The following SYNGR1 variants were observed in gnomAD, a reference collection of about 807,000 sequenced individuals.
SYNGR1 encodes synaptogyrin-1.
In SYNGR1, 14 loss-of-function variants were observed where a neutral mutation model predicts 26.1. The ratio of observed to expected loss-of-function variants is 0.54; its 90% confidence interval spans 0.35 to 0.84. The LOEUF (loss-of-function observed/expected upper bound fraction) is 0.84, where lower values mean the gene tolerates loss of function less well. Ranked by LOEUF, SYNGR1 falls within the 40% of genes least tolerant of loss-of-function variation. The pLI, the probability that SYNGR1 is intolerant of heterozygous loss-of-function variation, is 0.01. For missense variants in SYNGR1, 319 were observed against 332.9 expected, an observed-to-expected ratio of 0.96 and a Z score of 0.33; for synonymous variants, 141 against 150.1, an observed-to-expected ratio of 0.94 and a Z score of 0.44.
chr22:39,364,937 G>A (rs564178926), intron 1 of SYNGR1, among the ~76,000 whole-genome samples: 3 of 152,124 alleles, frequency 2.0e-5, no homozygotes, highest in Non-Finnish European at 4.4e-5. Flanking sequence ...AAAAAGACTC[G>A]GGATTGGATT....
At chr22:39,378,815 C>T (rs1858752) in intron 3 of SYNGR1, among the ~76,000 whole-genome samples, 9,000 of 152,256 alleles carry the variant, frequency 0.059, 910 homozygotes, top group African/African-American at 0.21. Context: ...CCCAGGCCAG[C>T]GGGGGCCCAG....
chr22:39,376,998 T>G, intron 3 of SYNGR1: 1 of 1,550,836 alleles, frequency 6.4e-7, no homozygotes, highest in Non-Finnish European at 8.7e-7. Flanking sequence ...TCTTCTCTCC[T>G]AATCACCCTT....
chr22:39,357,197 C>T (rs1248108358), intron 1 of SYNGR1, among the ~76,000 whole-genome samples: 7 of 151,776 alleles, frequency 4.6e-5, no homozygotes. Context: ...ACCCAGGAGG[C>T]GGAGGTTGCA....
At chr22:39,358,806 G>C (rs1924313343) in intron 1 of SYNGR1, among the ~76,000 whole-genome samples, 1 of 152,140 alleles carries the variant, frequency 6.6e-6, no homozygotes, top group South Asian at 2.1e-4. Flanking sequence ...CAGAGCAGAC[G>C]GCATCAGCTG....
At chr22:39,375,461 G>T in intron 2 of SYNGR1, 1 of 182,618 alleles carries the variant, frequency 5.5e-6, no homozygotes, top group Non-Finnish European at 1.2e-5. Flanking sequence ...CACTGCTGAC[G>T]CCCCCAGGCT....
At chr22:39,380,616 CTTTTTTTTTTT>C (rs58877789) in intron 3 of SYNGR1, among the ~76,000 whole-genome samples, 1 of 69,976 alleles carries the variant, frequency 1.4e-5, no homozygotes, top group South Asian at 4.5e-4. Context: ...CCAAGCTGGC[CTTTTTTTTTTT>C]TTTTTTTTTT....
chr22:39,374,246 C>A, intron 1 of SYNGR1, 70 bp from the exon 2 acceptor site: 1 of 1,486,540 alleles, frequency 6.7e-7, no homozygotes, highest in Non-Finnish European at 9.4e-7. Context: ...AGGGTGGCAG[C>A]CTCCCCGTCC....
At position 39,350,641 on chromosome 22, in the gene SYNGR1, C is replaced by T. The variant is rs1025960011; in HGVS notation, c.99+532C>T. The stretch of plus-strand genomic sequence containing the variant: ...GGAGCGATGAGTCGGGAACTGAGTA[C>T]CTCTCTTCCACCCGGGAACTGCCTC... On this transcript the variant is annotated intron_variant, in intron 1 of 3. Coordinates refer to ENST00000328933, the MANE Select transcript of SYNGR1 (RefSeq NM_004711.5). The surrounding 1 kb of genome is among the most constrained non-coding windows in gnomAD (Gnocchi z 4.3). Among the ~76,000 whole-genome samples the T allele has an allele frequency of 6.6e-6, 1 of 152,090 alleles. No homozygotes were observed. The highest frequency in any genetic ancestry group is 2.4e-5 in the African/African-American group (1 of 41,406).
chr22:39,384,591 CCTT>C lies in SYNGR1; in HGVS notation c.*2680_*2682del, dbSNP rs1925599833. Reference sequence around the variant, plus strand: ...TGGAAGGTTCATGGGGAAACTCGCTCCTTCTGTTGGCAGAGGACAGCCCCTGGG... The same window carrying C: ...TGGAAGGTTCATGGGGAAACTCGCTCCTGTTGGCAGAGGACAGCCCCTGGG... On this transcript the variant is annotated 3_prime_UTR_variant, in exon 4 of 4. Coordinates refer to ENST00000328933, the MANE Select transcript of SYNGR1 (RefSeq NM_004711.5). 2.5e-6 allele frequency: 1 copy of C among 398,854 alleles called. No homozygotes were observed. The highest frequency in any genetic ancestry group is 4.4e-5 in the Admixed American group (1 of 22,738). The allele number at this position is 398,854 out of a possible 1,614,324, so 24.7% of individuals were successfully genotyped here.
At chr22:39,373,827 G>A (rs1925143780) in intron 1 of SYNGR1, among the ~76,000 whole-genome samples, 1 of 152,186 alleles carries the variant, frequency 6.6e-6, no homozygotes, top group Admixed American at 6.6e-5. Flanking sequence ...TGCCAGGCCT[G>A]GGTAGGGGCC....
chr22:39,364,305 C>G, intron 1 of SYNGR1: 1 of 1,611,102 alleles, frequency 6.2e-7, no homozygotes, highest in African/African-American at 1.4e-5. Context: ...AGGCAGGTTC[C>G]CCATCTGCTG....
chr22:39,358,532 A>ACCACGAGC (rs749686551), intron 1 of SYNGR1, among the ~76,000 whole-genome samples: 40 of 152,004 alleles, frequency 2.6e-4, no homozygotes, highest in Non-Finnish European at 4.3e-4. Flanking sequence ...AGCCAGCGAG[A>ACCACGAGC]CCACGAGCCC....
chr22:39,355,045 C>T (rs1221357488), intron 1 of SYNGR1, among the ~76,000 whole-genome samples: 2 of 152,118 alleles, frequency 1.3e-5, no homozygotes, highest in African/African-American at 4.8e-5. Flanking sequence ...CCACAAGTCC[C>T]CTGCTCAGTG....
At chr22:39,363,250 G>C (rs908376005) in intron 1 of SYNGR1, among the ~76,000 whole-genome samples, 3 of 151,996 alleles carry the variant, frequency 2.0e-5, no homozygotes, top group African/African-American at 7.3e-5. Flanking sequence ...CCTGGGCAGG[G>C]GGCGGTGGGT....
intron 1 of SYNGR1, among the ~76,000 whole-genome samples, chr22:39,354,626 G>A (rs1053314826): frequency 9.2e-5 from 14 of 152,166 alleles, no homozygotes; most frequent in Admixed American, 8.5e-4. Context: ...GATCACTTGA[G>A]GTCAGGAGTT....
chr22:39,358,411 G>A lies in SYNGR1; in HGVS notation c.99+8302G>A, dbSNP rs115977221. Among the ~76,000 whole-genome samples the A allele has an allele frequency of 1.6e-3, 249 of 152,314 alleles. 1 individual carries two copies. The highest frequency in any genetic ancestry group is 5.8e-3 in the African/African-American group (242 of 41,570). ...CATTGGCAACCTGCTCAGTTCCAAA[G>A]CTTTGTTCGTCTGCTCGTTGCGATA... is the stretch of plus-strand genomic sequence containing the variant. On this transcript the variant is annotated intron_variant, in intron 1 of 3. Transcript: ENST00000328933.
chr22:39,384,466 C>A lies in SYNGR1; in HGVS notation c.*2552C>A. 2.5e-6 allele frequency: 1 copy of A among 398,654 alleles called. No homozygotes were observed. The highest frequency in any genetic ancestry group is 4.4e-6 in the Non-Finnish European group (1 of 226,096). The allele number at this position is 398,654 out of a possible 1,614,324, so 24.7% of individuals were successfully genotyped here. On this transcript the variant is annotated 3_prime_UTR_variant, in exon 4 of 4. Transcript: ENST00000328933. ...CCCTTCCAGGCATGATCTTCCCCAT[C>A]AGGCTGGGCTCTGGCAGGGACCTGC...
Position 39,350,233 on chromosome 22 carries a change from CGAG to C in SYNGR1, c.99+128_99+130del, listed in dbSNP as rs1163096588. ...CCCCCGGCGGCGGCGCGGCGGCGGG[CGAG>C]GAGCTGTCCTGCCTGCGGGGCCCGC... On this transcript the variant is annotated intron_variant, in intron 1 of 3. Coordinates refer to ENST00000328933, the MANE Select transcript of SYNGR1 (RefSeq NM_004711.5). The surrounding 1 kb of genome is among the most constrained non-coding windows in gnomAD (Gnocchi z 4.3). 40 of 561,536 alleles carry C rather than the reference CGAG, an allele frequency of 7.1e-5. No homozygotes were observed. Among genetic ancestry groups the C allele is most frequent in the Non-Finnish European group, 9.2e-5 (38 of 412,740 alleles). The allele number at this position is 561,536 out of a possible 1,614,324, so 34.8% of individuals were successfully genotyped here.
chr22:39,378,334 G>GGC, intron 3 of SYNGR1: 7 of 974,126 alleles, frequency 7.2e-6, no homozygotes, highest in Non-Finnish European at 8.6e-6. Context: ...GCCAGCCCAG[G>GGC]GCTTAGCACA....
Sources: allele counts gnomAD v4.1 joint callset (sites outside exome capture counted in the v4.1 genomes callset), GRCh38; gene constraint gnomAD v4.1.1; non-coding constraint Gnocchi (gnomAD v3.1); transcripts MANE v1.5; gene names NCBI Gene and HGNC (gene_info 2026-07-23, HGNC 2026-07-21).